WIZ: variants seen among roughly 807,000 people sequenced by gnomAD.
The protein encoded by WIZ is protein Wiz.
A neutral mutation model predicts 140.2 loss-of-function variants in WIZ; 25 were observed. The ratio of observed to expected loss-of-function variants is 0.18; its 90% CI spans 0.13 to 0.25. The LOEUF (loss-of-function observed/expected upper bound fraction) is 0.25. Ranked by LOEUF, WIZ falls within the 10% of genes least tolerant of loss-of-function variation. The probability of loss-of-function intolerance (pLI) is 1.00; values close to 1 mark genes in which losing one functional copy is unlikely to be tolerated. For missense variants in WIZ, 2,231 were observed against 2,632.6 expected, an observed-to-expected ratio of 0.85 and a Z score of 3.34; for synonymous variants, 1,125 against 1,154.3, an observed-to-expected ratio of 0.97 and a Z score of 0.51.
intron 1 of WIZ, among the ~76,000 whole-genome samples, chr19:15,449,070 G>C (rs1970019466): frequency 1.3e-5 from 2 of 151,836 alleles, no homozygotes; most frequent in African/African-American, 4.8e-5. Context: ...CCCCAACCAA[G>C]ATTGCTCTAG....
intron 6 of WIZ, 116 bp from the exon 7 acceptor site, chr19:15,430,205 C>G: frequency 7.2e-7 from 1 of 1,382,742 alleles, no homozygotes; most frequent in Non-Finnish European, 9.5e-7. Flanking sequence ...GTTTTGCCTC[C>G]GTCAGGCCCC....
rs1184212301 is a variant in WIZ, at chr19:15,421,848, T to A, written c.*1228A>T. On this transcript the variant is annotated 3_prime_UTR_variant, in exon 13 of 13. Coordinates refer to ENST00000673675, the MANE Select transcript of WIZ (RefSeq NM_001371589.1). ...CAGACAGGCTGCCCAGAACCCTGGT[T>A]CATCTGCTCACTGGAGCCGCTTTGC... The A allele has an allele frequency of 1.3e-5, 2 of 152,282 alleles. No individual in the cohort carries two copies. The highest frequency in any genetic ancestry group is 2.9e-5 in the Non-Finnish European group (2 of 68,092). The allele number at this position is 152,282 out of a possible 1,614,324, so 9.4% of individuals were successfully genotyped here.
chr19:15,440,190 C>A lies in WIZ; in HGVS notation c.804G>T (p.Val268=). 1 of 1,531,774 alleles carries A rather than the reference C, an allele frequency of 6.5e-7. No homozygotes were observed. Among genetic ancestry groups the A allele is most frequent in the Non-Finnish European group, 8.7e-7 (1 of 1,144,978 alleles). The allele number at this position is 1,531,774 out of a possible 1,614,324, so 94.9% of individuals were successfully genotyped here. The change falls in exon 4 of 13, where the codon GTG becomes GTT. Residue 268 remains valine, a synonymous_variant. Transcript: ENST00000673675. This position sits in a 1 kb window ranked among gnomAD's most constrained non-coding sequence, Gnocchi z 6.2. Reference sequence around the variant, plus strand: ...GCCGCTCCACAGAAGCCTCCGAGTTCACTGTCCAGGTCTGTGTGGCTACCT... The same window carrying A: ...GCCGCTCCACAGAAGCCTCCGAGTTAACTGTCCAGGTCTGTGTGGCTACCT... ...ASEVATQTWT[V]NSEASVERLQ... is the part of the protein sequence containing the mutation.
At position 15,428,260 on chromosome 19, in the gene WIZ, G is replaced by T; in HGVS notation, c.3664C>A (p.Leu1222Ile). 6.5e-7 allele frequency: 1 copy of T among 1,528,088 alleles called. No individual in the cohort carries two copies. The highest frequency in any genetic ancestry group is 1.2e-5 in the South Asian group (1 of 83,318). The allele number at this position is 1,528,088 out of a possible 1,614,324, so 94.7% of individuals were successfully genotyped here. Residue 1222 changes from leucine to isoleucine, a missense_variant, in exon 8 of 13, where the codon CTC becomes ATC. Transcript: ENST00000673675. This position sits in a 1 kb window ranked among gnomAD's most constrained non-coding sequence, Gnocchi z 6.4. Reference sequence around the variant, plus strand: ...GGCGGTGGGGGGGGAAGCAAGGAGAGGGCCGCGGAGGTGGGAGGCGGCCGC... The same window carrying T: ...GGCGGTGGGGGGGGAAGCAAGGAGATGGCCGCGGAGGTGGGAGGCGGCCGC... ...PGRPPPTSAA[L>I]SLLPPPPPAK...
At position 15,442,891 on chromosome 19, in the gene WIZ, G is replaced by C; in HGVS notation, c.206-143C>G. ...TCTCCCTGAGAGGCCCGTGGCCTCTGTGGTCCTGAGCCCTGAAAGGGGTTT... is the reference window on the plus strand; with the variant it reads ...TCTCCCTGAGAGGCCCGTGGCCTCTCTGGTCCTGAGCCCTGAAAGGGGTTT... On this transcript the variant is annotated intron_variant, in intron 2 of 12. Transcript: ENST00000673675. The surrounding 1 kb of genome is among the most constrained non-coding windows in gnomAD (Gnocchi z 5.5). The C allele has an allele frequency of 2.3e-6, 1 of 434,394 alleles. No individual in the cohort carries two copies. Among genetic ancestry groups the C allele is most frequent in the Non-Finnish European group, 3.8e-6 (1 of 259,762 alleles). The allele number at this position is 434,394 out of a possible 1,614,324, so 26.9% of individuals were successfully genotyped here. A position where few individuals can be genotyped will look rare whatever the true frequency, so the allele number is the denominator to read the frequency against.
chr19:15,449,463 C>CGGG (rs1464698211), intron 1 of WIZ: 3 of 152,324 alleles, frequency 2.0e-5, no homozygotes, highest in Admixed American at 2.0e-4. Flanking sequence ...GAGGGGGCTC[C>CGGG]TACCCGGACG....
At chr19:15,447,718 CCCAGACAG>C (rs1346539486) in intron 2 of WIZ, among the ~76,000 whole-genome samples, 1 of 152,164 alleles carries the variant, frequency 6.6e-6, no homozygotes, top group Non-Finnish European at 1.5e-5. Context: ...ACAGGATACA[CCCAGACAG>C]CCAGAGGGAG....
chr19:15,439,937 C>G lies in WIZ; in HGVS notation c.1057G>C (p.Ala353Pro), dbSNP rs1400222977. 3 of 1,533,858 alleles carry G rather than the reference C, an allele frequency of 2.0e-6. No homozygotes were observed. Among genetic ancestry groups the G allele is most frequent in the Middle Eastern group, 3.3e-4 (2 of 5,980 alleles). The change falls in exon 4 of 13, where the codon GCC (alanine) becomes CCC (proline). Residue 353 changes from alanine to proline, a missense_variant. Ala to Pro is a conservative substitution (Grantham distance 27, BLOSUM62 -1). This residue lies in a region of WIZ where 475 missense variants were observed against 520.2 expected (regional missense o/e 0.91). Coordinates refer to ENST00000673675, the MANE Select transcript of WIZ (RefSeq NM_001371589.1). The surrounding 1 kb of genome is among the most constrained non-coding windows in gnomAD (Gnocchi z 7.0). ...AAGGCCCAGCCACACTCCCCGCAGG[C>G]CAGCGGGGCCAGGTCCGCAGGGGGC... ...QEPPADLAPL[A>P]CGECGWAFAD...
At chr19:15,431,222 A>C in intron 5 of WIZ, 40 bp from the exon 6 acceptor site, 3 of 1,477,172 alleles carry the variant, frequency 2.0e-6, no homozygotes, top group Non-Finnish European at 2.7e-6. Flanking sequence ...GACAAATTTC[A>C]GGCTGTCTAT....
chr19:15,424,513 G>A lies in WIZ; in HGVS notation c.5314+100C>T, dbSNP rs2060039296. On this transcript the variant is annotated intron_variant, in intron 11 of 12. Transcript: ENST00000673675. This position sits in a 1 kb window ranked among gnomAD's most constrained non-coding sequence, Gnocchi z 9.7. The stretch of plus-strand genomic sequence containing the variant: ...GGATGGGTGAATGGGTAAGCAACTG[G>A]AGAAAGGACTTAAGGGCCACAGCAG... The A allele has an allele frequency of 1.3e-6, 2 of 1,531,624 alleles. No homozygotes were observed. Among genetic ancestry groups the A allele is most frequent in the Non-Finnish European group, 8.8e-7 (1 of 1,140,816 alleles). The allele number at this position is 1,531,624 out of a possible 1,614,324, so 94.9% of individuals were successfully genotyped here. A position where few individuals can be genotyped will look rare whatever the true frequency, so the allele number is the denominator to read the frequency against.
Position 15,438,924 on chromosome 19 carries a change from C to G in WIZ, c.2070G>C (p.Leu690=), listed in dbSNP as rs1239461759. 1 of 1,445,202 alleles carries G rather than the reference C, an allele frequency of 6.9e-7. No homozygotes were observed. Among genetic ancestry groups the G allele is most frequent in the African/African-American group, 1.4e-5 (1 of 70,204 alleles). 89.5% of individuals were successfully genotyped at this position (1,445,202 alleles called of 1,614,324 possible). A position where few individuals can be genotyped will look rare whatever the true frequency, so the allele number is the denominator to read the frequency against. ...GMVPIVLVAK[L]GPQVMAAARV... Reference sequence around the variant, plus strand: ...TGGCTGCCGCCATGACCTGCGGCCCCAGCTTCGCCACGAGCACAATGGGTA... The same window carrying G: ...TGGCTGCCGCCATGACCTGCGGCCCGAGCTTCGCCACGAGCACAATGGGTA... Residue 690 remains leucine (L), a synonymous_variant, in exon 4 of 13, where the codon CTG becomes CTC. Coordinates refer to ENST00000673675, the MANE Select transcript of WIZ (RefSeq NM_001371589.1).
rs1056861070 is a variant in WIZ at position 15,442,365 on chromosome 19, A to C, written c.278+311T>G. Reference sequence around the variant, plus strand: ...TTTGCAGATGAGAAAACTGAGGCCCAGAGAGGCCTAGTATCATTCTAAGGG... The same window carrying C: ...TTTGCAGATGAGAAAACTGAGGCCCCGAGAGGCCTAGTATCATTCTAAGGG... On this transcript the variant is annotated intron_variant, in intron 3 of 12. Transcript: ENST00000673675. This position sits in a 1 kb window ranked among gnomAD's most constrained non-coding sequence, Gnocchi z 5.5. Among the ~76,000 whole-genome samples the C allele has an allele frequency of 1.1e-4, 16 of 152,194 alleles. No individual in the cohort carries two copies. Among genetic ancestry groups the C allele is most frequent in the African/African-American group, 3.9e-4 (16 of 41,448 alleles).
In WIZ at chr19:15,424,591, C is replaced by T; in HGVS notation, c.5314+22G>A. 1 of 1,574,730 alleles carries T rather than the reference C, an allele frequency of 6.4e-7. No individual in the cohort carries two copies. The highest frequency in any genetic ancestry group is 8.6e-7 in the Non-Finnish European group (1 of 1,168,612). On this transcript the variant is annotated intron_variant, in intron 11 of 12. Coordinates refer to ENST00000673675, the MANE Select transcript of WIZ (RefSeq NM_001371589.1). The surrounding 1 kb of genome is among the most constrained non-coding windows in gnomAD (Gnocchi z 9.7). Reference sequence around the variant, plus strand: ...TGACAGGTGCCCGCTGCGCTCCCGACCCTCCTCCACCAAGCACTCACTGTT... The same window carrying T: ...TGACAGGTGCCCGCTGCGCTCCCGATCCTCCTCCACCAAGCACTCACTGTT...
At position 15,442,993 on chromosome 19, in the gene WIZ, A is replaced by G. The variant is rs146950766; in HGVS notation, c.206-245T>C. 7.1e-3 allele frequency among the ~76,000 whole-genome samples: 1,086 copies of G among 151,982 alleles called. 15 individuals are homozygous for G. Among genetic ancestry groups the G allele is most frequent in the African/African-American group, 0.024 (989 of 41,468 alleles). ...TTCCAACCCTCCTCTCTTTCCCCCA[A>G]CCCAGCAGCCAGGGTGGTTTTTTAC... On this transcript the variant is annotated intron_variant, in intron 2 of 12. Coordinates refer to ENST00000673675, the MANE Select transcript of WIZ (RefSeq NM_001371589.1). This position sits in a 1 kb window ranked among gnomAD's most constrained non-coding sequence, Gnocchi z 5.5.
At chr19:15,445,007 G>C (rs964816779) in intron 2 of WIZ, among the ~76,000 whole-genome samples, 2 of 152,222 alleles carry the variant, frequency 1.3e-5, no homozygotes, top group African/African-American at 4.8e-5. Flanking sequence ...GAGGAAGCAG[G>C]CCAAGCAGTG....
Position 15,428,086 on chromosome 19 carries a change from G to T in WIZ, c.3814+24C>A, listed in dbSNP as rs1003908724. On this transcript the variant is annotated intron_variant, in intron 8 of 12. Coordinates refer to ENST00000673675, the MANE Select transcript of WIZ (RefSeq NM_001371589.1). This position sits in a 1 kb window ranked among gnomAD's most constrained non-coding sequence, Gnocchi z 6.4. ...GGGCTCCAGGGCCCGCAGTGAGGAG[G>T]GGGCAGCTGAAGCGAGAACCTACAG... is the stretch of plus-strand genomic sequence containing the variant. The T allele has an allele frequency of 3.9e-6, 6 of 1,532,736 alleles. 1 individual carries two copies. The highest frequency in any genetic ancestry group is 2.3e-4 in the Middle Eastern group (1 of 4,390). 94.9% of individuals were successfully genotyped at this position (1,532,736 alleles called of 1,614,324 possible).
intron 9 of WIZ, 52 bp from the exon 10 acceptor site, chr19:15,425,820 G>A (rs752423110): frequency 1.0e-5 from 1 of 96,500 alleles, no homozygotes; most frequent in Non-Finnish European, 1.6e-5. Context: ...GGAGGAGGGA[G>A]GAGGAGGGAG....
rs974061011 is a variant in WIZ, at chr19:15,439,601, C to T, written c.1393G>A (p.Ala465Thr). Residue 465 changes from alanine to threonine, a missense_variant, in exon 4 of 13, where the codon GCC (alanine) becomes ACC (threonine). Transcript: ENST00000673675. The surrounding 1 kb of genome is among the most constrained non-coding windows in gnomAD (Gnocchi z 7.0). Reference sequence around the variant, plus strand: ...GCGGGGAAACCACAGAAGACACAGGCGCTGAGGCCAACGGCAGCTCCGTAG... The same window carrying T: ...GCGGGGAAACCACAGAAGACACAGGTGCTGAGGCCAACGGCAGCTCCGTAG... ...QPYGAAVGLS[A>T]CVFCGFPAPS... The T allele has an allele frequency of 1.7e-5, 25 of 1,480,506 alleles. No individual in the cohort carries two copies. The highest frequency in any genetic ancestry group is 1.8e-4 in the Middle Eastern group (1 of 5,708). The allele number at this position is 1,480,506 out of a possible 1,614,324, so 91.7% of individuals were successfully genotyped here. A position where few individuals can be genotyped will look rare whatever the true frequency, so the allele number is the denominator to read the frequency against.
Position 15,428,032 on chromosome 19 carries a change from G to A in WIZ, c.3814+78C>T. The stretch of plus-strand genomic sequence containing the variant: ...CCCTGTCTACTCCCTGCCCCAGCAG[G>A]GAGGGGGCTGTGACCCCCCCCCCGG... On this transcript the variant is annotated intron_variant, in intron 8 of 12. Coordinates refer to ENST00000673675, the MANE Select transcript of WIZ (RefSeq NM_001371589.1). This position sits in a 1 kb window ranked among gnomAD's most constrained non-coding sequence, Gnocchi z 6.4. The A allele has an allele frequency of 6.6e-7, 1 of 1,505,140 alleles. No individual in the cohort carries two copies. Among genetic ancestry groups the A allele is most frequent in the Non-Finnish European group, 8.8e-7 (1 of 1,133,038 alleles). The allele number at this position is 1,505,140 out of a possible 1,614,324, so 93.2% of individuals were successfully genotyped here.
Sources: gnomAD v4.1 joint callset for allele counts (sites outside exome capture counted in the v4.1 genomes callset) on GRCh38, gnomAD v4.1.1 for gene constraint, gnomAD v4.1.1 regional missense constraint, Gnocchi (gnomAD v3.1) non-coding constraint, MANE v1.5 for transcripts, NCBI Gene and HGNC (gene_info 2026-07-23, HGNC 2026-07-21) for gene names.